Variants in RXFP1 observed in about 807,000 individuals in gnomAD.
RXFP1 encodes the protein relaxin family peptide receptor 1, also known as relaxin receptor 1.
In RXFP1, 73 loss-of-function variants were observed where a neutral mutation model predicts 89.8. The ratio of observed to expected loss-of-function variants is 0.81; its 90% CI spans 0.67 to 0.99. The LOEUF (loss-of-function observed/expected upper bound fraction) is 0.99, where lower values mean the gene tolerates loss of function less well. Ranked by LOEUF, RXFP1 falls within the 50% of genes least tolerant of loss-of-function variation. The pLI is 0.00. For missense variants in RXFP1, 793 were observed against 895.5 expected, an observed-to-expected ratio of 0.89 and a Z score of 1.46; for synonymous variants, 277 against 305.5, an observed-to-expected ratio of 0.91 and a Z score of 0.97.
chr4:158,563,496 GCACACACACACACACACACA>G (rs145181248), intron 1 of RXFP1, among the ~76,000 whole-genome samples: 3 of 142,502 alleles, frequency 2.1e-5, no homozygotes, highest in South Asian at 4.6e-4. Flanking sequence ...AGAATTCAAT[GCACACACACACACACACACA>G]CACACACACA....
intron 1 of RXFP1, among the ~76,000 whole-genome samples, chr4:158,556,204 A>G (rs1751252250): frequency 6.7e-6 from 1 of 148,616 alleles, no homozygotes; most frequent in South Asian, 2.2e-4. Flanking sequence ...GATATCCAAA[A>G]TACATAAGAA....
At chr4:158,565,138 C>T (rs556585607) in intron 1 of RXFP1, among the ~76,000 whole-genome samples, 1 of 151,768 alleles carries the variant, frequency 6.6e-6, no homozygotes, top group African/African-American at 2.4e-5. Flanking sequence ...CTGAGTAAGG[C>T]GAGGAGAGCA....
intron 5 of RXFP1, chr4:158,607,078 TC>T: frequency 6.5e-7 from 1 of 1,536,036 alleles, no homozygotes; most frequent in Non-Finnish European, 8.7e-7. Flanking sequence ...TGACCTGCAC[TC>T]AGAACATGAA....
chr4:158,546,661 G>T (rs1248394699), intron 1 of RXFP1, among the ~76,000 whole-genome samples: 1 of 152,186 alleles, frequency 6.6e-6, no homozygotes, highest in Non-Finnish European at 1.5e-5. Context: ...TTAGCATGAA[G>T]GGTTGTTGAA....
intron 8 of RXFP1, among the ~76,000 whole-genome samples, chr4:158,613,245 A>C (rs1044317645): frequency 5.9e-5 from 9 of 152,212 alleles, no homozygotes; most frequent in Admixed American, 1.3e-4. Flanking sequence ...GACTAACCAC[A>C]GTAGTGGTTG....
chr4:158,644,957 C>T lies in RXFP1; in HGVS notation c.1164C>T (p.Ser388=). Residue 388 remains serine (S), a synonymous_variant, in exon 15 of 18, where the codon AGC becomes AGT. Transcript: ENST00000307765. ...QYCGYAPHVR[S]CKPNTDGISS... is the part of the protein sequence containing the mutation. The stretch of plus-strand genomic sequence containing the variant: ...GTGGGTATGCACCACATGTTCGCAG[C>T]TGTAAACCAAACACTGATGGAATTT... 1.2e-6 allele frequency: 2 copies of T among 1,614,128 alleles called. No individual in the cohort carries two copies. The highest frequency in any genetic ancestry group is 2.2e-5 in the South Asian group (2 of 91,076).
intron 1 of RXFP1, among the ~76,000 whole-genome samples, chr4:158,571,826 C>A (rs766265001): frequency 3.9e-5 from 6 of 152,178 alleles, no homozygotes; most frequent in Non-Finnish European, 7.3e-5. Context: ...ATGTAAATGT[C>A]AGCAGCTGTA....
intron 1 of RXFP1, among the ~76,000 whole-genome samples, chr4:158,527,958 C>T (rs994338267): frequency 6.6e-6 from 1 of 152,036 alleles, no homozygotes; most frequent in Non-Finnish European, 1.5e-5. Flanking sequence ...GGTAAAATAT[C>T]ACTTGAAAAT....
intron 2 of RXFP1, among the ~76,000 whole-genome samples, chr4:158,579,323 C>CA (rs1473480866): frequency 6.6e-6 from 1 of 152,108 alleles, no homozygotes; most frequent in African/African-American, 2.4e-5. Context: ...GGCTGGAGTG[C>CA]AGTAGCACAA....
At chr4:158,576,906 C>A (rs1756359854) in intron 2 of RXFP1, among the ~76,000 whole-genome samples, 1 of 152,102 alleles carries the variant, frequency 6.6e-6, no homozygotes, top group Non-Finnish European at 1.5e-5. Flanking sequence ...TTATGAGATG[C>A]AGTTATTTCT....
At chr4:158,628,147 TAAAC>T (rs1393715372) in intron 10 of RXFP1, among the ~76,000 whole-genome samples, 1 of 152,228 alleles carries the variant, frequency 6.6e-6, no homozygotes, top group African/African-American at 2.4e-5. Context: ...TGTCAAGAGT[TAAAC>T]AGACTGATTC....
chr4:158,547,010 T>C (rs1348302230), intron 1 of RXFP1, among the ~76,000 whole-genome samples: 1 of 152,074 alleles, frequency 6.6e-6, no homozygotes, highest in African/African-American at 2.4e-5. Flanking sequence ...ATTGGAATAG[T>C]TTCAGAAGGA....
Position 158,521,984 on chromosome 4 carries a change from C to T in RXFP1, c.8C>T (p.Ser3Phe). 1 of 1,608,776 alleles carries T rather than the reference C, an allele frequency of 6.2e-7. No homozygotes were observed. Among genetic ancestry groups the T allele is most frequent in the Non-Finnish European group, 8.5e-7 (1 of 1,176,550 alleles). ...TTGCTCAGATAGAAGGAAATGACAT[C>T]TGGTTCTGTCTTCTTCTACATCTTA... is the stretch of plus-strand genomic sequence containing the variant. MT[S>F]GSVFFYILIF... The change falls in exon 1 of 18, where the codon TCT (serine) becomes TTT (phenylalanine). Residue 3 changes from serine (S) to phenylalanine (F), a missense_variant. Ser to Phe is a radical substitution (Grantham distance 155). Coordinates refer to ENST00000307765, the MANE Select transcript of RXFP1 (RefSeq NM_021634.4).
In RXFP1 at chr4:158,634,522, T is replaced by C. The variant is rs115293879; in HGVS notation, c.971+1046T>C. Among the ~76,000 whole-genome samples the C allele has an allele frequency of 8.4e-3, 1,276 of 152,306 alleles. 13 individuals are homozygous for C. The highest frequency in any genetic ancestry group is 0.024 in the African/African-American group (1,011 of 41,582). ...TCCTTTGATGCACAAAAGTTTTTAATTTATGTATAGTCTAATTTTTAAATT... is the reference window on the plus strand; with the variant it reads ...TCCTTTGATGCACAAAAGTTTTTAACTTATGTATAGTCTAATTTTTAAATT... On this transcript the variant is annotated intron_variant, in intron 12 of 17. Coordinates refer to ENST00000307765, the MANE Select transcript of RXFP1 (RefSeq NM_021634.4).
intron 1 of RXFP1, among the ~76,000 whole-genome samples, chr4:158,540,205 C>G (rs1746269723): frequency 6.6e-6 from 1 of 152,054 alleles, no homozygotes; most frequent in African/African-American, 2.4e-5. Flanking sequence ...AATGGCTACT[C>G]CGTAGGCAGA....
intron 6 of RXFP1, among the ~76,000 whole-genome samples, chr4:158,610,272 GATAATA>G (rs1201640984): frequency 6.6e-6 from 1 of 151,948 alleles, no homozygotes; most frequent in African/African-American, 2.4e-5. Context: ...CTCAAAAAAT[GATAATA>G]ATAATCATTA....
chr4:158,632,997 C>T (rs1768400148), intron 11 of RXFP1, among the ~76,000 whole-genome samples: 2 of 152,056 alleles, frequency 1.3e-5, no homozygotes, highest in East Asian at 1.9e-4. Flanking sequence ...TAGTGAAACC[C>T]CGTCTCTACT....
intron 10 of RXFP1, 78 bp from the exon 11 acceptor site, chr4:158,628,560 C>A: frequency 1.6e-6 from 1 of 626,576 alleles, no homozygotes; most frequent in Non-Finnish European, 2.8e-6. Context: ...ATCTTTGTTT[C>A]TGCATACCGT....
chr4:158,636,072 G>A (rs1769095676), intron 12 of RXFP1, among the ~76,000 whole-genome samples: 1 of 151,960 alleles, frequency 6.6e-6, no homozygotes, highest in Non-Finnish European at 1.5e-5. Context: ...GTTTTTCAAA[G>A]ATTCTGAAAT....
Sources: gnomAD v4.1 joint callset for allele counts (sites outside exome capture counted in the v4.1 genomes callset) on GRCh38, gnomAD v4.1.1 for gene constraint, MANE v1.5 for transcripts, NCBI Gene and HGNC (gene_info 2026-07-23, HGNC 2026-07-21) for gene names.